Variants in MICAL3 observed in about 807,000 individuals in gnomAD.
MICAL3 encodes microtubule associated monooxygenase, calponin and LIM domain containing 3.
MICAL3 carries 62 observed loss-of-function variants against 207.4 expected under a neutral mutation model. The ratio of observed to expected loss-of-function variants is 0.30; its 90% confidence interval spans 0.24 to 0.37. MICAL3 has a LOEUF of 0.37. Among genes scored for constraint, MICAL3 ranks in the 10% least tolerant of loss-of-function variants. The probability of loss-of-function intolerance (pLI) is 1.00; values close to 1 mark genes in which losing one functional copy is unlikely to be tolerated. For synonymous variants in MICAL3, 1,077 were observed against 1,069.3 expected, an observed-to-expected ratio of 1.01 and a Z score of -0.14; for missense variants, 2,368 against 2,635.6, an observed-to-expected ratio of 0.90 and a Z score of 2.22.
At chr22:17,888,167 C>A (rs1469030911) in intron 13 of MICAL3, among the ~76,000 whole-genome samples, 2 of 152,134 alleles carry the variant, frequency 1.3e-5, no homozygotes, top group African/African-American at 2.4e-5. Context: ...CATATTATCC[C>A]CATTTTACAC....
At chr22:17,847,008 G>A (rs928471978) in intron 19 of MICAL3, among the ~76,000 whole-genome samples, 1 of 152,182 alleles carries the variant, frequency 6.6e-6, no homozygotes, top group Non-Finnish European at 1.5e-5. Flanking sequence ...ACCTGCTCTC[G>A]GCTGCTGGGC....
In MICAL3 at chr22:17,893,906, T is replaced by C; in HGVS notation, c.1450-2A>G. ...GCCAGTATCATATAAATGGCGCACC[T>C]GGCAGAAATTTACAAAGTCAAACAG... is the stretch of plus-strand genomic sequence containing the variant. On this transcript the variant is annotated splice_acceptor_variant, in intron 10 of 31. Coordinates refer to ENST00000441493, the MANE Select transcript of MICAL3 (RefSeq NM_015241.3). LOFTEE classifies it high-confidence loss of function. 1 of 1,548,588 alleles carries C rather than the reference T, an allele frequency of 6.5e-7. No homozygotes were observed. The highest frequency in any genetic ancestry group is 8.7e-7 in the Non-Finnish European group (1 of 1,143,178).
At chr22:17,877,331 T>G (rs1169726355) in intron 16 of MICAL3, among the ~76,000 whole-genome samples, 83 of 81,418 alleles carry the variant, frequency 1.0e-3, no homozygotes, top group Non-Finnish European at 1.3e-3. Context: ...TTAGGGAGGT[T>G]ATGGAGGTTA....
At chr22:18,016,361 T>C (rs1924055455) in intron 1 of MICAL3, among the ~76,000 whole-genome samples, 1 of 152,246 alleles carries the variant, frequency 6.6e-6, no homozygotes. Flanking sequence ...GAGTTGTTTT[T>C]TGTCCTCCAG....
chr22:17,858,505 G>A (rs1926169740), intron 19 of MICAL3: 1 of 984,450 alleles, frequency 1.0e-6, no homozygotes, highest in Non-Finnish European at 1.2e-6. Flanking sequence ...GCCGTTCAGA[G>A]CTCCACATGG....
At chr22:17,800,461 G>T (rs1252595679) in intron 29 of MICAL3, among the ~76,000 whole-genome samples, 4 of 152,216 alleles carry the variant, frequency 2.6e-5, no homozygotes, top group African/African-American at 9.6e-5. Context: ...TCTTTTTAAT[G>T]ATTTCTTTGG....
intron 1 of MICAL3, among the ~76,000 whole-genome samples, chr22:17,972,871 G>A (rs1314129997): frequency 2.6e-5 from 4 of 152,326 alleles, no homozygotes; most frequent in South Asian, 4.1e-4. Context: ...AACCTGACCC[G>A]TCAGCTTAAG....
At chr22:17,812,060 T>C (rs542690691) in intron 27 of MICAL3, among the ~76,000 whole-genome samples, 31 of 152,276 alleles carry the variant, frequency 2.0e-4, no homozygotes, top group African/African-American at 7.0e-4. Flanking sequence ...ACAAGAAAAC[T>C]TTTATAGACT....
chr22:17,973,474 T>C (rs547438034), intron 1 of MICAL3, among the ~76,000 whole-genome samples: 5 of 152,266 alleles, frequency 3.3e-5, no homozygotes, highest in Middle Eastern at 3.4e-3. Context: ...TAGGTCATGA[T>C]AGTGGAAGCA....
At chr22:17,909,420 G>A (rs1255561006) in intron 1 of MICAL3, among the ~76,000 whole-genome samples, 1 of 152,224 alleles carries the variant, frequency 6.6e-6, no homozygotes, top group Non-Finnish European at 1.5e-5. Context: ...AGCTATTCAG[G>A]AGGCTGAGGC....
At chr22:17,868,319 T>TAA (rs386394929) in intron 17 of MICAL3, among the ~76,000 whole-genome samples, 1 of 142,810 alleles carries the variant, frequency 7.0e-6, no homozygotes, top group African/African-American at 2.6e-5. Flanking sequence ...CTTTTTAAAT[T>TAA]AAAAAAAAAA....
Position 17,816,796 on chromosome 22 carries a change from G to T in MICAL3, c.5351-12C>A. 1 of 1,544,584 alleles carries T rather than the reference G, an allele frequency of 6.5e-7. No homozygotes were observed. Among genetic ancestry groups the T allele is most frequent in the South Asian group, 1.2e-5 (1 of 83,990 alleles). On this transcript the variant is annotated splice_polypyrimidine_tract_variant and intron_variant, in intron 26 of 31. Transcript: ENST00000441493. Reference sequence around the variant, plus strand: ...CCGGAGCTGCAGCTCTGTGGAGAGAGGGAGGCCACGTGAGGACAGCGCCAG... The same window carrying T: ...CCGGAGCTGCAGCTCTGTGGAGAGATGGAGGCCACGTGAGGACAGCGCCAG...
chr22:18,021,581 G>A (rs1924480031), intron 1 of MICAL3, among the ~76,000 whole-genome samples: 1 of 152,242 alleles, frequency 6.6e-6, no homozygotes, highest in Non-Finnish European at 1.5e-5. Context: ...GAAAAGCAAA[G>A]ACTAAAGGGA....
rs751861067 is a variant in MICAL3 at position 17,891,561 on chromosome 22, C to A, written c.1618G>T (p.Val540Leu). The change falls in exon 12 of 32, where the codon GTG (valine) becomes TTG (leucine). Residue 540 changes from valine to leucine, a missense_variant. Transcript: ENST00000441493. ...RQTDGYAGVN[V>L]TDLTMSWKSG... ...TTCCAGGACATGGTGAGATCTGTCA[C>A]GTTTACCCCTGCATAGCCATCTGTC... 1.2e-6 allele frequency: 2 copies of A among 1,613,972 alleles called. No individual in the cohort carries two copies. The highest frequency in any genetic ancestry group is 2.2e-5 in the East Asian group (1 of 44,892).
chr22:17,884,313 C>T (rs1376051899), intron 16 of MICAL3: 1 of 1,591,278 alleles, frequency 6.3e-7, no homozygotes. Context: ...CGAACCTGCC[C>T]AGGCAGGCAG....
intron 29 of MICAL3, among the ~76,000 whole-genome samples, chr22:17,800,840 A>G (rs1453049616): frequency 6.6e-6 from 1 of 152,226 alleles, no homozygotes; most frequent in Non-Finnish European, 1.5e-5. Context: ...ATTAACGAAT[A>G]TTACTAAGTG....
At chr22:17,860,815 C>T in intron 19 of MICAL3, 1 of 985,498 alleles carries the variant, frequency 1.0e-6, no homozygotes, top group Middle Eastern at 5.2e-4. Context: ...CCGTACGCTG[C>T]TGTGCATCCC....
rs114416598 is a variant in MICAL3, at chr22:17,854,671, G to A, written c.2605+10228C>T. Among the ~76,000 whole-genome samples the A allele has an allele frequency of 5.8e-3, 884 of 152,328 alleles. 7 individuals carry two copies. The highest frequency in any genetic ancestry group is 0.02 in the African/African-American group (847 of 41,570). ...CCTGAACTTTCCCTTGTCTCATGAC[G>A]CGACTCTACTGATGGAAGGTGATTC... On this transcript the variant is annotated intron_variant, in intron 19 of 31. Coordinates refer to ENST00000441493, the MANE Select transcript of MICAL3 (RefSeq NM_015241.3).
intron 1 of MICAL3, among the ~76,000 whole-genome samples, chr22:17,982,098 T>G (rs1041946270): frequency 3.4e-5 from 5 of 144,956 alleles, no homozygotes; most frequent in Middle Eastern, 3.6e-3. Flanking sequence ...GAGCAAGACC[T>G]TGTCTCAAAA....
Sources: gnomAD v4.1 joint callset for allele counts (sites outside exome capture counted in the v4.1 genomes callset) on GRCh38, gnomAD v4.1.1 for gene constraint, MANE v1.5 for transcripts, NCBI Gene and HGNC (gene_info 2026-07-23, HGNC 2026-07-21) for gene names.